Variants in ABCC1 observed in about 807,000 individuals in gnomAD.
ABCC1 encodes the protein ATP binding cassette subfamily C member 1 (ABCC1 blood group).
A neutral mutation model predicts 172.9 loss-of-function variants in ABCC1; 83 were observed. The observed-to-expected ratio is 0.48, with a 90% confidence interval of 0.40 to 0.58. ABCC1 has a LOEUF of 0.58. Among genes scored for constraint, ABCC1 ranks in the 20% least tolerant of loss-of-function variants. ABCC1 has a pLI of 0.00. For synonymous variants in ABCC1, 937 were observed against 825.2 expected (o/e 1.14, Z -2.32); for missense variants, 1,817 against 2,002.7 (o/e 0.91, Z 1.77).
intron 6 of ABCC1, 106 bp downstream of exon 6, chr16:16,033,276 T>G (rs1192772039): frequency 8.9e-7 from 1 of 1,129,914 alleles, no homozygotes; most frequent in Non-Finnish European, 1.3e-6. Flanking sequence ...CTCCCTCCTT[T>G]GCTCTTCTGC....
At chr16:16,127,833 C>A (rs577551352) in intron 26 of ABCC1, among the ~76,000 whole-genome samples, 5 of 152,218 alleles carry the variant, frequency 3.3e-5, no homozygotes, top group African/African-American at 1.2e-4. Context: ...GCGTGAGTGC[C>A]CCCGTGAGGA....
chr16:16,090,285 A>G (rs1431552616), intron 18 of ABCC1, 120 bp from the exon 19 acceptor site: 5 of 1,068,820 alleles, frequency 4.7e-6, no homozygotes, highest in East Asian at 2.7e-5. Context: ...TCCCACCTTC[A>G]GACCTGAGTT....
chr16:16,038,389 A>C (rs1182619166), intron 7 of ABCC1, among the ~76,000 whole-genome samples: 1 of 152,162 alleles, frequency 6.6e-6, no homozygotes, highest in East Asian at 1.9e-4. Flanking sequence ...AAGGCCTGAG[A>C]ACCTGGAGTC....
At chr16:16,098,826 G>T in intron 19 of ABCC1, 1 of 1,349,124 alleles carries the variant, frequency 7.4e-7, no homozygotes, top group Non-Finnish European at 9.8e-7. Context: ...TAGGGCGGGA[G>T]TTTCGCTTTG....
intron 1 of ABCC1, among the ~76,000 whole-genome samples, chr16:15,975,843 G>A (rs45563736): frequency 9.2e-5 from 14 of 152,016 alleles, no homozygotes; most frequent in African/African-American, 2.9e-4. Context: ...GGCGTGAGCC[G>A]CCACACCTGG....
chr16:16,058,300 T>G (rs1432569152), intron 12 of ABCC1, among the ~76,000 whole-genome samples: 1 of 152,234 alleles, frequency 6.6e-6, no homozygotes, highest in African/African-American at 2.4e-5. Flanking sequence ...TCTTTCTGTC[T>G]TTTTATTAAC....
intron 1 of ABCC1, among the ~76,000 whole-genome samples, chr16:15,991,167 C>T (rs1212997301): frequency 6.6e-6 from 1 of 152,028 alleles, no homozygotes; most frequent in Non-Finnish European, 1.5e-5. Context: ...GTCTCTAGTT[C>T]AGCAGTGCTA....
At chr16:16,012,792 C>T (rs542544550) in intron 3 of ABCC1, among the ~76,000 whole-genome samples, 6 of 151,956 alleles carry the variant, frequency 3.9e-5, no homozygotes, top group African/African-American at 1.2e-4. Context: ...AAGTGATTCT[C>T]CTGCCTCAGC....
intron 10 of ABCC1, 100 bp from the exon 11 acceptor site, chr16:16,052,624 G>A (rs2049477033): frequency 5.2e-6 from 6 of 1,144,058 alleles, no homozygotes; most frequent in Non-Finnish European, 7.7e-6. Context: ...CCTGAACTTG[G>A]TCAGCAGCAT....
At chr16:16,079,213 G>A in intron 15 of ABCC1, 139 bp from the exon 16 acceptor site, 6 of 1,265,122 alleles carry the variant, frequency 4.7e-6, no homozygotes, top group Non-Finnish European at 5.4e-6. Flanking sequence ...GGAATGTTGA[G>A]GCCTTCAGTG....
At chr16:15,991,490 C>A (rs2046868278) in intron 1 of ABCC1, among the ~76,000 whole-genome samples, 1 of 152,108 alleles carries the variant, frequency 6.6e-6, no homozygotes, top group African/African-American at 2.4e-5. Flanking sequence ...AAGGATGGCA[C>A]CTCTCGGCTC....
intron 1 of ABCC1, among the ~76,000 whole-genome samples, chr16:15,966,055 G>A (rs747346473): frequency 1.7e-4 from 26 of 151,994 alleles, no homozygotes; most frequent in Non-Finnish European, 3.1e-4. Flanking sequence ...CCAGCTCACC[G>A]TTCTAGCAGG....
intron 1 of ABCC1, among the ~76,000 whole-genome samples, chr16:16,000,439 C>T (rs906265962): frequency 4.6e-5 from 7 of 151,930 alleles, no homozygotes; most frequent in Admixed American, 4.6e-4. Context: ...GCCACCGTGT[C>T]CAGCTTTTCT....
chr16:16,139,618 A>AAAAAG (rs2046056340), intron 30 of ABCC1, among the ~76,000 whole-genome samples: 1 of 151,106 alleles, frequency 6.6e-6, no homozygotes, highest in Non-Finnish European at 1.5e-5. Context: ...TCTCAAAAAA[A>AAAAAG]AAAAAAAAAA....
At position 15,961,022 on chromosome 16, in the gene ABCC1, TTTAA is replaced by T. The variant is rs1180566871; in HGVS notation, c.48+11224_48+11227del. On this transcript the variant is annotated intron_variant, in intron 1 of 30. Coordinates refer to ENST00000399410, the MANE Select transcript of ABCC1 (RefSeq NM_004996.4). ...CAGGTTTTTTTTTTTTTTTTTTTTT[TTTAA>T]AATAGATGGGGGTCTTGCTATGCTG... is the stretch of plus-strand genomic sequence containing the variant. 1.6e-4 allele frequency among the ~76,000 whole-genome samples: 5 copies of T among 30,684 alleles called. No homozygotes were observed. In the South Asian group the frequency reaches 3.8e-3, roughly 23 times the overall value. 20.1% of individuals were successfully genotyped at this position (30,684 alleles called of 152,430 possible). A position where few individuals can be genotyped will look rare whatever the true frequency, so the allele number is the denominator to read the frequency against.
intron 5 of ABCC1, among the ~76,000 whole-genome samples, chr16:16,029,751 C>A (rs1483618074): frequency 6.6e-6 from 1 of 152,172 alleles, no homozygotes; most frequent in Admixed American, 6.5e-5. Context: ...TGTGATGGCT[C>A]ATGCCTGTAA....
In ABCC1 at chr16:16,078,978, C is replaced by T. The variant is rs141414251; in HGVS notation, c.1989-374C>T. On this transcript the variant is annotated intron_variant, in intron 15 of 30. Coordinates refer to ENST00000399410, the MANE Select transcript of ABCC1 (RefSeq NM_004996.4). ...CAGCACTGGCATGAGCTACCGTGTC[C>T]GGCCCCAGTTTGTCTTGAGGTGTCC... Among the ~76,000 whole-genome samples the T allele has an allele frequency of 8.5e-5, 13 of 152,310 alleles. No homozygotes were observed. In the East Asian group the frequency reaches 1.5e-3, roughly 18 times the overall value.
rs2048615957 is a variant in ABCC1 at position 16,033,147 on chromosome 16, G to C, written c.654G>C (p.Arg218Ser). The C allele has an allele frequency of 1.2e-6, 2 of 1,614,136 alleles. 1 individual carries two copies. The highest frequency in any genetic ancestry group is 3.3e-4 in the Middle Eastern group (2 of 6,062). Residue 218 changes from arginine to serine, a missense_variant, in exon 6 of 31, where the codon AGG becomes AGC. Around this residue, in one of 3 missense-constraint regions of ABCC1, gnomAD observed 398 missense variants for 384.2 expected, o/e 1.04. Coordinates refer to ENST00000399410, the MANE Select transcript of ABCC1 (RefSeq NM_004996.4). ...CPESSASFLS[R>S]ITFWWITGLI... ...AGTCCAGCGCTTCCTTCCTGTCGAG[G>C]ATCACCTTCTGGTGGATCACAGGGT...
rs115185617 is a variant in ABCC1 at position 16,007,348 on chromosome 16, C to T, written c.49-468C>T. On this transcript the variant is annotated intron_variant, in intron 1 of 30. Transcript: ENST00000399410. ...GCTCAGGCACTCCTCCCACTTCAGC[C>T]GCCTGAGTGGCTGGGAATACAGGCA... is the stretch of plus-strand genomic sequence containing the variant. Among the ~76,000 whole-genome samples the T allele has an allele frequency of 6.2e-3, 944 of 152,080 alleles. 9 individuals are homozygous for T. Among genetic ancestry groups the T allele is most frequent in the African/African-American group, 0.021 (891 of 41,456 alleles).
Sources: gnomAD v4.1 joint callset for allele counts (sites outside exome capture counted in the v4.1 genomes callset) on GRCh38, gnomAD v4.1.1 for gene constraint, gnomAD v4.1.1 regional missense constraint, MANE v1.5 for transcripts, NCBI Gene and HGNC (gene_info 2026-07-23, HGNC 2026-07-21) for gene names.